MYO16: variants seen among roughly 807,000 people sequenced by gnomAD.
MYO16 encodes myosin XVI.
Under a neutral mutation model 205.3 loss-of-function variants are expected in MYO16, and 94 were observed. The ratio of observed to expected loss-of-function variants is 0.46; its 90% CI spans 0.39 to 0.54. The LOEUF is 0.54. Among genes scored for constraint, MYO16 ranks in the 20% least tolerant of loss-of-function variants. The pLI is 0.00. For synonymous variants in MYO16, 988 were observed against 954.0 expected (o/e 1.04, Z -0.66); for missense variants, 2,315 against 2,387.5 (o/e 0.97, Z 0.63).
At chr13:108,912,294 G>A (rs1209391231) in intron 16 of MYO16, among the ~76,000 whole-genome samples, 2 of 152,154 alleles carry the variant, frequency 1.3e-5, no homozygotes, top group South Asian at 2.1e-4. Flanking sequence ...GATATGGTTT[G>A]TCATGTTGTG....
intron 1 of MYO16, among the ~76,000 whole-genome samples, chr13:108,644,419 C>G (rs1317306921): frequency 6.7e-6 from 1 of 150,056 alleles, no homozygotes; most frequent in East Asian, 2.0e-4. Flanking sequence ...TATCTATCAT[C>G]TGTTTAAATT....
At chr13:108,961,506 C>T (rs960712407) in intron 17 of MYO16, 33 bp from the exon 18 acceptor site, 1 of 1,549,760 alleles carries the variant, frequency 6.5e-7, no homozygotes, top group Non-Finnish European at 8.9e-7. Context: ...TTCTAAGCAC[C>T]CTATTCATTC....
intron 23 of MYO16, among the ~76,000 whole-genome samples, chr13:109,023,989 T>TAGAA: frequency 9.3e-6 from 1 of 107,266 alleles, no homozygotes; most frequent in Non-Finnish European, 1.9e-5. Flanking sequence ...TATATATTTC[T>TAGAA]ATATGTATAT....
At chr13:109,171,893 A>C (rs1878937800) in intron 33 of MYO16, among the ~76,000 whole-genome samples, 1 of 152,216 alleles carries the variant, frequency 6.6e-6, no homozygotes, top group African/African-American at 2.4e-5. Context: ...TACGTTGTCT[A>C]TTTTTAATTT....
At chr13:109,015,928 A>AT (rs1452958923) in intron 22 of MYO16, among the ~76,000 whole-genome samples, 4 of 151,734 alleles carry the variant, frequency 2.6e-5, no homozygotes, top group African/African-American at 9.7e-5. Flanking sequence ...GGATTCACTG[A>AT]TTTTTTTGAA....
At chr13:108,686,078 ATGT>A (rs985282958) in intron 2 of MYO16, among the ~76,000 whole-genome samples, 1 of 152,202 alleles carries the variant, frequency 6.6e-6, no homozygotes, top group Admixed American at 6.5e-5. Context: ...CTGGTAGGAA[ATGT>A]TTCAGGACGT....
Position 109,140,331 on chromosome 13 carries a change from C to T in MYO16, c.4119C>T (p.Pro1373=). The part of the protein sequence containing the change: ...STMKKIPPRK[P]KRSPNTKLSG... Reference sequence around the variant, plus strand: ...TGAAGAAGATTCCTCCTCGAAAGCCCAAGCGCAGCCCCAACACCAAGCTCA... The same window carrying T: ...TGAAGAAGATTCCTCCTCGAAAGCCTAAGCGCAGCCCCAACACCAAGCTCA... The change falls in exon 32 of 35, where the codon CCC becomes CCT. Residue 1373 remains proline (P), a synonymous_variant. Coordinates refer to ENST00000457511, the MANE Select transcript of MYO16 (RefSeq NM_001198950.3). The surrounding 1 kb of genome is among the most constrained non-coding windows in gnomAD (Gnocchi z 8.0). 1 of 1,603,302 alleles carries T rather than the reference C, an allele frequency of 6.2e-7. No homozygotes were observed. The highest frequency in any genetic ancestry group is 1.1e-5 in the South Asian group (1 of 91,078).
At chr13:108,996,944 G>A (rs544886252) in intron 21 of MYO16, among the ~76,000 whole-genome samples, 30 of 152,160 alleles carry the variant, frequency 2.0e-4, no homozygotes, top group African/African-American at 7.2e-4. Context: ...TACATGCAAA[G>A]GCATGTAGTG....
chr13:108,877,495 A>G (rs1321330369), intron 12 of MYO16, among the ~76,000 whole-genome samples: 1 of 152,232 alleles, frequency 6.6e-6, no homozygotes, highest in African/African-American at 2.4e-5. Flanking sequence ...AGTGCCTGTG[A>G]GGTGCTGAGG....
intron 2 of MYO16, among the ~76,000 whole-genome samples, chr13:108,682,950 G>A (rs1882525227): frequency 6.6e-6 from 1 of 152,172 alleles, no homozygotes; most frequent in African/African-American, 2.4e-5. Context: ...TGAAATGTAA[G>A]ATAGAGTCTT....
Position 109,141,794 on chromosome 13 carries a change from G to A in MYO16, c.5164+418G>A, listed in dbSNP as rs144850623. ...GATGTACAGTTCACAGCTAATCCCC[G>A]AGCGTGCGGTTTGCCATCCATCTAG... On this transcript the variant is annotated intron_variant, in intron 32 of 34. Transcript: ENST00000457511. This position sits in a 1 kb window ranked among gnomAD's most constrained non-coding sequence, Gnocchi z 4.1. Among the ~76,000 whole-genome samples the A allele has an allele frequency of 1.2e-4, 18 of 152,202 alleles. No individual in the cohort carries two copies. Among genetic ancestry groups the A allele is most frequent in the African/African-American group, 3.9e-4 (16 of 41,514 alleles).
At chr13:108,691,165 G>A (rs1882881122) in intron 2 of MYO16, among the ~76,000 whole-genome samples, 2 of 152,048 alleles carry the variant, frequency 1.3e-5, no homozygotes, top group Admixed American at 1.3e-4. Context: ...TTGCCCAAAG[G>A]TCTGTTTTTT....
intron 3 of MYO16, among the ~76,000 whole-genome samples, chr13:108,717,208 C>CGG (rs1883978073): frequency 1.3e-5 from 2 of 152,072 alleles, no homozygotes; most frequent in Non-Finnish European, 2.9e-5. Context: ...CTGAACCCTC[C>CGG]ACCTCAGACT....
At chr13:108,914,468 C>G (rs551752340) in intron 16 of MYO16, among the ~76,000 whole-genome samples, 1 of 152,090 alleles carries the variant, frequency 6.6e-6, no homozygotes, top group Non-Finnish European at 1.5e-5. Context: ...AAAGCAAACA[C>G]TACAAAACTT....
chr13:108,793,543 T>G lies in MYO16; in HGVS notation c.644T>G (p.Met215Arg). The stretch of plus-strand genomic sequence containing the variant: ...GTGGATTTGACCTCACTGCGCCAGA[T>G]GAAGCTTCAGAGACCAATGAGTATG... The part of the protein sequence containing the change: ...NGVDLTSLRQ[M>R]KLQRPMSMLT... Residue 215 changes from methionine to arginine, a missense_variant, in exon 6 of 35, where the codon ATG becomes AGG. Met to Arg is a moderately conservative substitution (Grantham distance 91). Coordinates refer to ENST00000457511, the MANE Select transcript of MYO16 (RefSeq NM_001198950.3). The G allele has an allele frequency of 1.2e-6, 2 of 1,613,950 alleles. No homozygotes were observed. The highest frequency in any genetic ancestry group is 2.2e-5 in the South Asian group (2 of 91,068).
intron 32 of MYO16, among the ~76,000 whole-genome samples, chr13:109,154,052 AC>A (rs1455196517): frequency 4.6e-5 from 7 of 152,228 alleles, no homozygotes; most frequent in Admixed American, 3.3e-4. Flanking sequence ...AAGAGATGCA[AC>A]CGCTACGGCT....
chr13:108,736,226 A>G (rs894032388), intron 4 of MYO16, among the ~76,000 whole-genome samples: 11 of 152,280 alleles, frequency 7.2e-5, no homozygotes, highest in East Asian at 3.9e-4. Context: ...GCCCATGCCT[A>G]TGTCCTGAAT....
chr13:109,153,861 T>C (rs1184215619), intron 32 of MYO16, among the ~76,000 whole-genome samples: 1 of 152,224 alleles, frequency 6.6e-6, no homozygotes. Context: ...CACCTCATGG[T>C]GTCTTCCTGT....
At chr13:108,931,876 T>C (rs145329771) in intron 16 of MYO16, among the ~76,000 whole-genome samples, 128 of 152,342 alleles carry the variant, frequency 8.4e-4, no homozygotes, top group African/African-American at 2.9e-3. Flanking sequence ...TTCGAAAAAT[T>C]GTTGGCCATG....
Sources: gnomAD v4.1 joint callset for allele counts (sites outside exome capture counted in the v4.1 genomes callset) on GRCh38, gnomAD v4.1.1 for gene constraint, Gnocchi (gnomAD v3.1) non-coding constraint, MANE v1.5 for transcripts, NCBI Gene and HGNC (gene_info 2026-07-23, HGNC 2026-07-21) for gene names.